The following CSNK2A2 variants were observed in gnomAD, a reference collection of about 807,000 sequenced individuals.
CSNK2A2 encodes the protein casein kinase 2 alpha 2, also known as casein kinase II subunit alpha'.
In CSNK2A2, 8 loss-of-function variants were observed where a neutral mutation model predicts 54.0. That is an observed-to-expected ratio of 0.15 (90% CI 0.09 to 0.27). The LOEUF is 0.27. Ranked by LOEUF, CSNK2A2 falls within the 10% of genes least tolerant of loss-of-function variation. CSNK2A2 has a pLI of 1.00. For missense variants in CSNK2A2, 242 were observed against 439.4 expected (o/e 0.55, Z 4.02); for synonymous variants, 141 against 153.9 (o/e 0.92, Z 0.62).
At chr16:58,179,537 CAG>C (rs1961972402) in intron 4 of CSNK2A2, among the ~76,000 whole-genome samples, 2 of 151,154 alleles carry the variant, frequency 1.3e-5, no homozygotes, top group Admixed American at 6.6e-5. Flanking sequence ...GGTGAGGGGA[CAG>C]GGAGAAAAAT....
chr16:58,177,565 C>T lies in CSNK2A2; in HGVS notation c.370-3055G>A, dbSNP rs139966561. 2.7e-3 allele frequency among the ~76,000 whole-genome samples: 415 copies of T among 152,290 alleles called. 5 individuals are homozygous for T. Among genetic ancestry groups the T allele is most frequent in the African/African-American group, 9.5e-3 (396 of 41,552 alleles). ...GACTCCAAGTGCAATTCAGCTGCAT[C>T]ACCATGAGCCACAGATCTGAAGACC... On this transcript the variant is annotated intron_variant, in intron 4 of 11. Coordinates refer to ENST00000262506, the MANE Select transcript of CSNK2A2 (RefSeq NM_001896.4).
At chr16:58,183,729 C>T (rs1365238796) in intron 4 of CSNK2A2, among the ~76,000 whole-genome samples, 5 of 152,096 alleles carry the variant, frequency 3.3e-5, no homozygotes, top group Non-Finnish European at 5.9e-5. Flanking sequence ...AAAAAGAACA[C>T]TTCAATGTCT....
Position 58,165,510 on chromosome 16 carries a change from T to C in CSNK2A2, c.976+50A>G, listed in dbSNP as rs1378898906. 3 of 1,520,286 alleles carry C rather than the reference T, an allele frequency of 2.0e-6. No individual in the cohort carries two copies. In the African/African-American group the frequency reaches 4.2e-5, roughly 21 times the overall value. 94.2% of individuals were successfully genotyped at this position (1,520,286 alleles called of 1,614,324 possible). On this transcript the variant is annotated intron_variant, in intron 10 of 11. Transcript: ENST00000262506. Reference sequence around the variant, plus strand: ...GGTCTCAAAGACAAAGAGTGGAAGATTTGTTCTCTTGACTGAATTACTCCC... The same window carrying C: ...GGTCTCAAAGACAAAGAGTGGAAGACTTGTTCTCTTGACTGAATTACTCCC...
intron 3 of CSNK2A2, among the ~76,000 whole-genome samples, chr16:58,184,524 G>A (rs568810548): frequency 6.6e-6 from 1 of 152,348 alleles, no homozygotes; most frequent in South Asian, 2.1e-4. Context: ...GAAGTGGTGG[G>A]AGTATAGATG....
chr16:58,191,024 T>C (rs1962309365), intron 2 of CSNK2A2, among the ~76,000 whole-genome samples: 1 of 152,212 alleles, frequency 6.6e-6, no homozygotes. Context: ...ATACATACAA[T>C]GGAAAATTAT....
intron 4 of CSNK2A2, among the ~76,000 whole-genome samples, chr16:58,178,207 C>G (rs16959773): frequency 0.14 from 21,253 of 151,974 alleles, 1,926 homozygotes; most frequent in East Asian, 0.35. Context: ...TAGGATGGAG[C>G]CCATTTGGAG....
At chr16:58,159,580 GTTA>G (rs1217647363) in intron 11 of CSNK2A2, 1 of 152,206 alleles carries the variant, frequency 6.6e-6, no homozygotes, top group Non-Finnish European at 1.5e-5. Context: ...GGGAAGGCTG[GTTA>G]TTGTCAACAT....
intron 6 of CSNK2A2, 106 bp downstream of exon 6, chr16:58,168,504 C>CA (rs1270784871): frequency 5.8e-6 from 5 of 867,826 alleles, no homozygotes; most frequent in Non-Finnish European, 9.0e-6. Flanking sequence ...GAAAGTTTGC[C>CA]AAAAAACCCA....
chr16:58,183,587 A>G (rs1218481881), intron 4 of CSNK2A2, among the ~76,000 whole-genome samples: 1 of 152,100 alleles, frequency 6.6e-6, no homozygotes, highest in Non-Finnish European at 1.5e-5. Context: ...TTGTTTGTAT[A>G]TTGGTTTTTA....
chr16:58,170,161 C>A (rs1961696212), intron 5 of CSNK2A2, among the ~76,000 whole-genome samples: 1 of 152,074 alleles, frequency 6.6e-6, no homozygotes, highest in African/African-American at 2.4e-5. Context: ...AAAAGCTGTG[C>A]AACCATTACC....
rs1597122931 is a variant in CSNK2A2 at position 58,187,185 on chromosome 16, T to C, written c.217-329A>G. ...CTAGATAACTGCCAAGTGGAAAATA[T>C]AGCTCTGAACAGCTGTATATCATGC... is the stretch of plus-strand genomic sequence containing the variant. On this transcript the variant is annotated intron_variant, in intron 2 of 11. Transcript: ENST00000262506. 3.3e-5 allele frequency among the ~76,000 whole-genome samples: 5 copies of C among 150,920 alleles called. 1 individual carries two copies.
intron 2 of CSNK2A2, among the ~76,000 whole-genome samples, chr16:58,194,713 G>A (rs1041975516): frequency 1.3e-5 from 2 of 152,162 alleles, no homozygotes; most frequent in African/African-American, 4.8e-5. Context: ...TCAACATAAT[G>A]ACATTAGGTA....
In CSNK2A2 at chr16:58,197,582, C is replaced by T. The variant is rs751637921; in HGVS notation, c.104+51G>A. On this transcript the variant is annotated intron_variant, in intron 1 of 11. Coordinates refer to ENST00000262506, the MANE Select transcript of CSNK2A2 (RefSeq NM_001896.4). This position sits in a 1 kb window ranked among gnomAD's most constrained non-coding sequence, Gnocchi z 4.0. The stretch of plus-strand genomic sequence containing the variant: ...CCGAGTGCGGTTCGCAGGGGGTGGC[C>T]GGGCGGGGGCAGGGATCAGCGGGCC... 26 of 1,319,398 alleles carry T rather than the reference C, an allele frequency of 2.0e-5. No homozygotes were observed. Among genetic ancestry groups the T allele is most frequent in the Non-Finnish European group, 2.5e-5 (24 of 967,614 alleles). 81.7% of individuals were successfully genotyped at this position (1,319,398 alleles called of 1,614,324 possible).
At chr16:58,188,398 C>T (rs554788947) in intron 2 of CSNK2A2, among the ~76,000 whole-genome samples, 40 of 152,276 alleles carry the variant, frequency 2.6e-4, no homozygotes, top group Middle Eastern at 3.4e-3. Flanking sequence ...AAGCACTGTA[C>T]AATCTGATTA....
rs780618846 is a variant in CSNK2A2, at chr16:58,166,711, T to C, written c.727-27A>G. 3 of 1,530,022 alleles carry C rather than the reference T, an allele frequency of 2.0e-6. No homozygotes were observed. The East Asian group carries it at 6.7e-5, about 34-fold the overall frequency. 94.8% of individuals were successfully genotyped at this position (1,530,022 alleles called of 1,614,324 possible). On this transcript the variant is annotated intron_variant, in intron 8 of 11. Coordinates refer to ENST00000262506, the MANE Select transcript of CSNK2A2 (RefSeq NM_001896.4). Reference sequence around the variant, plus strand: ...TGAAACACAAAACAAACTGACCAAATCACTGAGCACAGAACACACCATGAG... The same window carrying C: ...TGAAACACAAAACAAACTGACCAAACCACTGAGCACAGAACACACCATGAG...
chr16:58,164,911 C>A (rs37360), intron 10 of CSNK2A2, among the ~76,000 whole-genome samples: 145,798 of 152,276 alleles, frequency 0.96, 69,886 homozygotes, highest in South Asian at 1. Context: ...GAACGTTTCC[C>A]TCTTGATTCA....
At chr16:58,196,294 T>C (rs896702142) in intron 2 of CSNK2A2, among the ~76,000 whole-genome samples, 1 of 152,186 alleles carries the variant, frequency 6.6e-6, no homozygotes, top group Non-Finnish European at 1.5e-5. Flanking sequence ...AAAGAAGTAA[T>C]GAAGGGACAT....
chr16:58,158,180 C>G lies in CSNK2A2; in HGVS notation c.*191G>C, dbSNP rs1019074204. On this transcript the variant is annotated 3_prime_UTR_variant, in exon 12 of 12. Transcript: ENST00000262506. ...CAAAGGCAAGTGAGCCTTTTACATTCGGAAGTGAGGTTTGATATACGGTGG... is the reference window on the plus strand; with the variant it reads ...CAAAGGCAAGTGAGCCTTTTACATTGGGAAGTGAGGTTTGATATACGGTGG... The G allele has an allele frequency of 6.6e-6, 1 of 152,622 alleles. No homozygotes were observed. The highest frequency in any genetic ancestry group is 1.5e-5 in the Non-Finnish European group (1 of 68,056). The allele number at this position is 152,622 out of a possible 1,614,324, so 9.5% of individuals were successfully genotyped here. A position where few individuals can be genotyped will look rare whatever the true frequency, so the allele number is the denominator to read the frequency against.
chr16:58,161,480 T>A (rs1213200317), intron 11 of CSNK2A2: 1 of 152,104 alleles, frequency 6.6e-6, no homozygotes, highest in Non-Finnish European at 1.5e-5. Flanking sequence ...AAAAGGATAC[T>A]GGGTGCGTAC....
Sources: gnomAD v4.1 joint callset for allele counts (sites outside exome capture counted in the v4.1 genomes callset) on GRCh38, gnomAD v4.1.1 for gene constraint, Gnocchi (gnomAD v3.1) non-coding constraint, MANE v1.5 for transcripts, NCBI Gene and HGNC (gene_info 2026-07-23, HGNC 2026-07-21) for gene names.